Variants in CWF19L2 observed in about 807,000 individuals in gnomAD.
CWF19L2 encodes the protein CWF19 like cell cycle control factor 2, also known as CWF19-like protein 2.
A neutral mutation model predicts 111.7 loss-of-function variants in CWF19L2; 98 were observed. The ratio of observed to expected loss-of-function variants is 0.88; its 90% confidence interval spans 0.75 to 1.04. The LOEUF (loss-of-function observed/expected upper bound fraction) is 1.04. Ranked by LOEUF, CWF19L2 falls within the 50% of genes least tolerant of loss-of-function variation. CWF19L2 has a pLI of 0.00. For synonymous variants in CWF19L2, 351 were observed against 342.9 expected (o/e 1.02, Z -0.26); for missense variants, 1,101 against 1,051.4 (o/e 1.05, Z -0.65).
At chr11:107,434,254 C>G (rs1369949914) in intron 6 of CWF19L2, among the ~76,000 whole-genome samples, 1 of 151,670 alleles carries the variant, frequency 6.6e-6, no homozygotes, top group Non-Finnish European at 1.5e-5. Flanking sequence ...GAACAAAGAA[C>G]AAATAAGGAG....
intron 12 of CWF19L2, among the ~76,000 whole-genome samples, chr11:107,372,340 A>C (rs1412615665): frequency 7.6e-6 from 1 of 130,932 alleles, no homozygotes; most frequent in Non-Finnish European, 1.6e-5. Context: ...TATTCTGTTT[A>C]ATCAACTAGA....
intron 3 of CWF19L2, among the ~76,000 whole-genome samples, chr11:107,453,500 T>C (rs1000962661): frequency 3.3e-5 from 5 of 151,638 alleles, no homozygotes; most frequent in Admixed American, 1.3e-4. Context: ...TGGTAACCAC[T>C]AAAGAGCCCT....
chr11:107,418,972 G>A (rs185633393), intron 8 of CWF19L2, among the ~76,000 whole-genome samples: 13 of 152,326 alleles, frequency 8.5e-5, no homozygotes, highest in African/African-American at 1.4e-4. Flanking sequence ...ATAGCCAGGA[G>A]TCCAAGAATT....
intron 14 of CWF19L2, among the ~76,000 whole-genome samples, chr11:107,341,080 C>A (rs1042347035): frequency 6.6e-6 from 1 of 152,172 alleles, no homozygotes; most frequent in Non-Finnish European, 1.5e-5. Flanking sequence ...CAATGGTCTG[C>A]CCTGTTTCAG....
chr11:107,379,043 A>C (rs1860641807), intron 12 of CWF19L2, among the ~76,000 whole-genome samples: 1 of 152,124 alleles, frequency 6.6e-6, no homozygotes, highest in African/African-American at 2.4e-5. Context: ...AATACTGAAA[A>C]CAAGCCAGAT....
intron 12 of CWF19L2, among the ~76,000 whole-genome samples, chr11:107,386,338 A>G (rs1860766197): frequency 6.6e-6 from 1 of 152,088 alleles, no homozygotes; most frequent in African/African-American, 2.4e-5. Flanking sequence ...AAATTTAAGA[A>G]CCTACCTACA....
At chr11:107,424,886 A>G (rs1420159137) in intron 8 of CWF19L2, among the ~76,000 whole-genome samples, 1 of 151,906 alleles carries the variant, frequency 6.6e-6, no homozygotes, top group Non-Finnish European at 1.5e-5. Flanking sequence ...TGTTGAGCAC[A>G]AAGTAACTGA....
intron 10 of CWF19L2, among the ~76,000 whole-genome samples, chr11:107,400,746 G>T (rs1284539870): frequency 6.6e-6 from 1 of 152,042 alleles, no homozygotes; most frequent in African/African-American, 2.4e-5. Flanking sequence ...ACCAAAACCA[G>T]GAAAGGACAT....
chr11:107,416,710 T>C (rs1861231377), intron 9 of CWF19L2, among the ~76,000 whole-genome samples: 1 of 152,234 alleles, frequency 6.6e-6, no homozygotes, highest in Non-Finnish European at 1.5e-5. Flanking sequence ...TCCGAAGATA[T>C]TTCATTTTTA....
chr11:107,442,670 T>C (rs1367695233), intron 4 of CWF19L2, among the ~76,000 whole-genome samples: 1 of 143,060 alleles, frequency 7.0e-6, no homozygotes, highest in African/African-American at 2.6e-5. Context: ...GGCAACAGAG[T>C]GAGACCCTGT....
intron 12 of CWF19L2, among the ~76,000 whole-genome samples, chr11:107,370,305 A>C (rs1860489284): frequency 7.3e-6 from 1 of 137,398 alleles, no homozygotes; most frequent in African/African-American, 2.9e-5. Context: ...CTGTTTAAAA[A>C]AGAGGGGAGG....
intron 11 of CWF19L2, 127 bp downstream of exon 11, chr11:107,392,652 T>C: frequency 1.8e-6 from 1 of 556,662 alleles, no homozygotes; most frequent in Non-Finnish European, 3.1e-6. Flanking sequence ...ACAACATCAT[T>C]TCCTACCTTC....
chr11:107,433,401 T>A (rs1440959378), intron 7 of CWF19L2, among the ~76,000 whole-genome samples: 1 of 152,178 alleles, frequency 6.6e-6, no homozygotes, highest in Non-Finnish European at 1.5e-5. Context: ...TAAGAAAATT[T>A]TTTTTACATT....
chr11:107,385,389 A>C (rs1162618092), intron 12 of CWF19L2, among the ~76,000 whole-genome samples: 1 of 152,230 alleles, frequency 6.6e-6, no homozygotes, highest in Admixed American at 6.5e-5. Context: ...ACACTACTAC[A>C]AATTCAATAA....
At chr11:107,393,848 G>A (rs1353362572) in intron 10 of CWF19L2, among the ~76,000 whole-genome samples, 4 of 152,080 alleles carry the variant, frequency 2.6e-5, no homozygotes, top group Admixed American at 6.6e-5. Flanking sequence ...GACATAAAGA[G>A]GGAAATAATA....
At chr11:107,375,261 C>T (rs375464739) in intron 12 of CWF19L2, among the ~76,000 whole-genome samples, 320 of 129,276 alleles carry the variant, frequency 2.5e-3, no homozygotes, top group African/African-American at 7.1e-3. Context: ...CAGCTCTGCA[C>T]CAAGCGGACC....
intron 12 of CWF19L2, among the ~76,000 whole-genome samples, chr11:107,358,045 C>T (rs1430262997): frequency 6.6e-6 from 1 of 152,104 alleles, no homozygotes; most frequent in Admixed American, 6.6e-5. Flanking sequence ...AGTGAGTTAG[C>T]CATTTCACAC....
chr11:107,337,222 A>G (rs544851227), intron 14 of CWF19L2, among the ~76,000 whole-genome samples: 2 of 152,280 alleles, frequency 1.3e-5, no homozygotes, highest in South Asian at 2.1e-4. Flanking sequence ...GTAGTCCTCT[A>G]TTTTCACATA....
chr11:107,435,335 G>T (rs992951123), intron 6 of CWF19L2, among the ~76,000 whole-genome samples: 1 of 151,732 alleles, frequency 6.6e-6, no homozygotes, highest in African/African-American at 2.4e-5. Context: ...GTCTAAATCC[G>T]CAATCTACAC....
Sources: gnomAD v4.1 joint callset for allele counts (sites outside exome capture counted in the v4.1 genomes callset) on GRCh38, gnomAD v4.1.1 for gene constraint, MANE v1.5 for transcripts, NCBI Gene and HGNC (gene_info 2026-07-23, HGNC 2026-07-21) for gene names.